CCDC63: variants seen among roughly 807,000 people sequenced by gnomAD.
CCDC63 encodes the protein coiled-coil domain containing 63.
A neutral mutation model predicts 63.6 loss-of-function variants in CCDC63; 54 were observed. That is an observed-to-expected ratio of 0.85 (90% CI 0.68 to 1.07). The LOEUF (loss-of-function observed/expected upper bound fraction) is 1.07, where lower values mean the gene tolerates loss of function less well. CCDC63 is among the 50% of genes least tolerant of loss of function. The probability of loss-of-function intolerance (pLI) is 0.00; values close to 1 mark genes in which losing one functional copy is unlikely to be tolerated. For missense variants in CCDC63, 637 were observed against 689.6 expected (o/e 0.92, Z 0.86); for synonymous variants, 253 against 266.1 (o/e 0.95, Z 0.48).
chr12:110,878,352 T>C (rs958323282), intron 5 of CCDC63, among the ~76,000 whole-genome samples: 3 of 152,168 alleles, frequency 2.0e-5, no homozygotes, highest in African/African-American at 7.2e-5. Flanking sequence ...TCTCACTCTG[T>C]TGCCCAGGCT....
chr12:110,890,450 T>C (rs184853225), intron 8 of CCDC63, among the ~76,000 whole-genome samples: 5 of 152,212 alleles, frequency 3.3e-5, no homozygotes, highest in African/African-American at 4.8e-5. Context: ...TATTTGTTCT[T>C]TGTAGAATTT....
chr12:110,867,995 G>T (rs1193214748), intron 4 of CCDC63, among the ~76,000 whole-genome samples: 1 of 147,254 alleles, frequency 6.8e-6, no homozygotes, highest in Non-Finnish European at 1.5e-5. Context: ...GCCAGGCAGA[G>T]GGTCTCCTCA....
At chr12:110,875,923 C>G (rs930682833) in intron 5 of CCDC63, among the ~76,000 whole-genome samples, 8 of 151,990 alleles carry the variant, frequency 5.3e-5, no homozygotes, top group African/African-American at 1.7e-4. Flanking sequence ...GAAACCCTGC[C>G]TCTACTAAAA....
chr12:110,881,785 T>C (rs575760702), intron 7 of CCDC63, among the ~76,000 whole-genome samples: 1 of 152,336 alleles, frequency 6.6e-6, no homozygotes, highest in South Asian at 2.1e-4. Context: ...GATAACTATG[T>C]CTCATGCAGC....
At position 110,881,284 on chromosome 12, in the gene CCDC63, A is replaced by G; in HGVS notation, c.841A>G (p.Lys281Glu). ...NDRNEFEEQAKREEALKAKKH... is the reference protein window; with the variant it reads ...NDRNEFEEQAEREEALKAKKH... ...TCGCAATGAATTCGAGGAGCAGGCCAAAAGGGAGGAAGGTACACCCTCCAG... is the reference window on the plus strand; with the variant it reads ...TCGCAATGAATTCGAGGAGCAGGCCGAAAGGGAGGAAGGTACACCCTCCAG... Residue 281 changes from lysine to glutamate, a missense_variant, in exon 7 of 12, where the codon AAA (lysine) becomes GAA (glutamate). Transcript: ENST00000308208. 2 of 1,613,098 alleles carry G rather than the reference A, an allele frequency of 1.2e-6. No individual in the cohort carries two copies. The highest frequency in any genetic ancestry group is 2.2e-5 in the East Asian group (1 of 44,864).
chr12:110,869,962 T>C (rs2071042182), intron 4 of CCDC63, among the ~76,000 whole-genome samples: 1 of 152,240 alleles, frequency 6.6e-6, no homozygotes, highest in Non-Finnish European at 1.5e-5. Flanking sequence ...AAAGATAATA[T>C]AGTTCTCACA....
chr12:110,880,690 GGTA>G (rs2071189127), intron 6 of CCDC63, among the ~76,000 whole-genome samples: 1 of 174 alleles, frequency 5.7e-3, no homozygotes, highest in Non-Finnish European at 0.011. Context: ...CGATAATGAT[GGTA>G]ATGATGGTGA....
intron 3 of CCDC63, among the ~76,000 whole-genome samples, chr12:110,858,210 C>T (rs1223658091): frequency 1.3e-5 from 2 of 151,860 alleles, no homozygotes; most frequent in Non-Finnish European, 2.9e-5. Flanking sequence ...CTCCTCATTA[C>T]TGGAGATAAT....
chr12:110,878,499 G>T (rs1360588042), intron 5 of CCDC63, among the ~76,000 whole-genome samples: 2 of 152,012 alleles, frequency 1.3e-5, no homozygotes, highest in Non-Finnish European at 2.9e-5. Context: ...ATTTTTAGTT[G>T]AGACGGGGTT....
intron 5 of CCDC63, among the ~76,000 whole-genome samples, chr12:110,875,474 A>C (rs1458180739): frequency 6.6e-6 from 1 of 150,690 alleles, no homozygotes; most frequent in Non-Finnish European, 1.5e-5. Flanking sequence ...ACGGAGTCTC[A>C]CTCTGTCACC....
chr12:110,874,692 A>G (rs563841873), intron 5 of CCDC63, among the ~76,000 whole-genome samples: 2 of 152,248 alleles, frequency 1.3e-5, no homozygotes, highest in South Asian at 4.2e-4. Context: ...TATTCTGGGG[A>G]GAGTTCCCAC....
At chr12:110,899,389 G>A (rs2071456911) in intron 10 of CCDC63, among the ~76,000 whole-genome samples, 1 of 152,138 alleles carries the variant, frequency 6.6e-6, no homozygotes. Flanking sequence ...CCCAATCATG[G>A]CTCACTGCCA....
At position 110,893,142 on chromosome 12, in the gene CCDC63, C is replaced by T. The variant is rs2071378631; in HGVS notation, c.1141C>T (p.Gln381Ter). ...SHDDNHSVLR[Q>*]LEDKLRKTTE... ...CGATGACAACCACTCTGTCCTGAGACAGCTGGAGGTGAGAACAGGATCGGG... is the reference window on the plus strand; with the variant it reads ...CGATGACAACCACTCTGTCCTGAGATAGCTGGAGGTGAGAACAGGATCGGG... The change falls in exon 9 of 12, where the codon CAG (glutamine) becomes TAG (stop). Residue 381 changes from glutamine (Q) to a stop codon, truncating the protein, a stop_gained. Transcript: ENST00000308208. LOFTEE classifies it high-confidence loss of function. 6.2e-7 allele frequency: 1 copy of T among 1,613,676 alleles called. No homozygotes were observed. The highest frequency in any genetic ancestry group is 8.5e-7 in the Non-Finnish European group (1 of 1,179,722).
chr12:110,906,003 T>A (rs1431189308), intron 11 of CCDC63, among the ~76,000 whole-genome samples: 3 of 61,372 alleles, frequency 4.9e-5, no homozygotes, highest in African/African-American at 2.1e-4. Flanking sequence ...ATAATATATA[T>A]TATATAATAT....
intron 4 of CCDC63, among the ~76,000 whole-genome samples, chr12:110,865,478 A>AAAAG (rs1555252952): frequency 1.3e-5 from 2 of 151,266 alleles, no homozygotes; most frequent in Non-Finnish European, 3.0e-5. Context: ...AAAAAAAAAA[A>AAAAG]AAAAGAAAAA....
intron 4 of CCDC63, 146 bp downstream of exon 4, chr12:110,858,921 T>C (rs1362403117): frequency 3.1e-6 from 2 of 651,238 alleles, no homozygotes; most frequent in Non-Finnish European, 5.2e-6. Flanking sequence ...ACTGCTGCTA[T>C]CGTCTCGCTA....
intron 8 of CCDC63, among the ~76,000 whole-genome samples, chr12:110,891,029 T>G (rs1035502432): frequency 1.3e-5 from 2 of 152,132 alleles, no homozygotes; most frequent in African/African-American, 2.4e-5. Context: ...TCTGCCCACC[T>G]TGGCCTCCCA....
chr12:110,866,232 C>A (rs1041879233), intron 4 of CCDC63, among the ~76,000 whole-genome samples: 3 of 151,842 alleles, frequency 2.0e-5, no homozygotes, highest in African/African-American at 7.3e-5. Flanking sequence ...CCTGCCTCGG[C>A]CTCCCAAAGT....
At chr12:110,853,810 G>C (rs899530188) in intron 3 of CCDC63, among the ~76,000 whole-genome samples, 1 of 152,194 alleles carries the variant, frequency 6.6e-6, no homozygotes, top group Non-Finnish European at 1.5e-5. Context: ...GGGACCCCTG[G>C]TGGGCAGGGC....
Sources: gnomAD v4.1 joint callset for allele counts (sites outside exome capture counted in the v4.1 genomes callset) on GRCh38, gnomAD v4.1.1 for gene constraint, MANE v1.5 for transcripts, NCBI Gene and HGNC (gene_info 2026-07-23, HGNC 2026-07-21) for gene names.